The following KIAA1671 variants were observed in gnomAD, a reference collection of about 807,000 sequenced individuals.
The protein encoded by KIAA1671 is uncharacterized protein KIAA1671.
In KIAA1671, 52 loss-of-function variants were observed where a neutral mutation model predicts 131.2. That is an observed-to-expected ratio of 0.40 (90% CI 0.32 to 0.50). KIAA1671 has a LOEUF of 0.50. KIAA1671 is among the 20% of genes least tolerant of loss of function. KIAA1671 has a pLI of 0.73. For synonymous variants in KIAA1671, 1,003 were observed against 961.6 expected, an observed-to-expected ratio of 1.04 and a Z score of -0.80; for missense variants, 2,360 against 2,364.2, an observed-to-expected ratio of 1.00 and a Z score of 0.04.
At chr22:25,006,742 A>G (rs1946147464) in intron 1 of KIAA1671, among the ~76,000 whole-genome samples, 1 of 152,108 alleles carries the variant, frequency 6.6e-6, no homozygotes, top group African/African-American at 2.4e-5. Flanking sequence ...TCTGTTTTCT[A>G]GAGGCTGCTT....
Position 25,170,951 on chromosome 22 carries a change from C to T in KIAA1671, c.4649+13C>T, listed in dbSNP as rs745688514. The T allele has an allele frequency of 4.7e-5, 73 of 1,549,010 alleles. No individual in the cohort carries two copies. The highest frequency in any genetic ancestry group is 2.0e-4 in the Admixed American group (10 of 50,938). On this transcript the variant is annotated intron_variant, in intron 7 of 12. Coordinates refer to ENST00000358431, the MANE Select transcript of KIAA1671 (RefSeq NM_001145206.2). ...AGAGTGGGGAGAGGTAGGACGCGTG[C>T]GACGGGATTCTGGCTGCAAAGGGGG... is the stretch of plus-strand genomic sequence containing the variant.
chr22:24,965,208 A>G (rs1922233298), intron 1 of KIAA1671, among the ~76,000 whole-genome samples: 1 of 151,978 alleles, frequency 6.6e-6, no homozygotes. Context: ...TGAGGTCAGG[A>G]ATTCGAGACC....
chr22:25,013,378 G>A (rs1925141899), intron 1 of KIAA1671: 1 of 152,144 alleles, frequency 6.6e-6, no homozygotes, highest in Non-Finnish European at 1.5e-5. Flanking sequence ...GTTTTTTGGG[G>A]GGTGTTTGGG....
chr22:25,103,207 A>G (rs971510072), intron 6 of KIAA1671, among the ~76,000 whole-genome samples: 90 of 119,700 alleles, frequency 7.5e-4, no homozygotes, highest in African/African-American at 2.4e-3. Context: ...TCCCCCCCCA[A>G]CCGCCTTTTT....
Position 25,135,817 on chromosome 22 carries a change from C to T in KIAA1671, c.4531-35003C>T, listed in dbSNP as rs73403534. ...GCAAAGTCAGACAGCAGCCACGTCA[C>T]GACAGCATCACCACAGTACTGATGG... is the stretch of plus-strand genomic sequence containing the variant. On this transcript the variant is annotated intron_variant, in intron 6 of 12. Coordinates refer to ENST00000358431, the MANE Select transcript of KIAA1671 (RefSeq NM_001145206.2). 1.3e-3 allele frequency among the ~76,000 whole-genome samples: 204 copies of T among 152,346 alleles called. 1 individual carries two copies. Among genetic ancestry groups the T allele is most frequent in the African/African-American group, 4.8e-3 (198 of 41,586 alleles).
intron 4 of KIAA1671, among the ~76,000 whole-genome samples, chr22:25,036,979 C>T (rs1926637496): frequency 6.6e-6 from 1 of 151,930 alleles, no homozygotes; most frequent in Admixed American, 6.6e-5. Context: ...GTTTGGATTC[C>T]TTTACAATCA....
chr22:24,995,292 TC>T (rs1222505606), intron 1 of KIAA1671, among the ~76,000 whole-genome samples: 1 of 151,360 alleles, frequency 6.6e-6, no homozygotes, highest in Non-Finnish European at 1.5e-5. Context: ...GACCTCGTGA[TC>T]TGCCCACCTT....
rs2145803826 is a variant in KIAA1671, at chr22:25,038,756, C to T, written c.1630-4C>T. ...TGTTTCTTTTTCTTTTTGTTTCTTT[C>T]CAGCAAAAGGAGGGGCACAGTTTGG... On this transcript the variant is annotated splice_polypyrimidine_tract_variant and splice_region_variant and intron_variant, in intron 4 of 12. Transcript: ENST00000358431. 6.6e-7 allele frequency: 1 copy of T among 1,517,854 alleles called. No individual in the cohort carries two copies. Among genetic ancestry groups the T allele is most frequent in the Admixed American group, 2.2e-5 (1 of 46,420 alleles). The allele number at this position is 1,517,854 out of a possible 1,614,324, so 94.0% of individuals were successfully genotyped here. A position where few individuals can be genotyped will look rare whatever the true frequency, so the allele number is the denominator to read the frequency against.
At chr22:24,956,164 G>A (rs984560877) in intron 1 of KIAA1671, among the ~76,000 whole-genome samples, 9 of 152,376 alleles carry the variant, frequency 5.9e-5, no homozygotes, top group African/African-American at 2.2e-4. Flanking sequence ...TACATTTAGA[G>A]AGCCACTCAC....
intron 1 of KIAA1671, among the ~76,000 whole-genome samples, chr22:24,979,314 G>A (rs1360307005): frequency 6.9e-6 from 1 of 144,068 alleles, no homozygotes; most frequent in Non-Finnish European, 1.5e-5. Flanking sequence ...CCATGCCCGG[G>A]CAACCATCTT....
chr22:25,121,176 T>C lies in KIAA1671; in HGVS notation c.4531-49644T>C, dbSNP rs149252283. 3.3e-3 allele frequency among the ~76,000 whole-genome samples: 495 copies of C among 152,260 alleles called. 2 individuals carry two copies. Among genetic ancestry groups the C allele is most frequent in the African/African-American group, 0.011 (476 of 41,560 alleles). On this transcript the variant is annotated intron_variant, in intron 6 of 12. Coordinates refer to ENST00000358431, the MANE Select transcript of KIAA1671 (RefSeq NM_001145206.2). Reference sequence around the variant, plus strand: ...CGGATTTCATGAAGAATGGAGTCTTTAGTTGGCCGGGCGCGGTGGCTCACG... The same window carrying C: ...CGGATTTCATGAAGAATGGAGTCTTCAGTTGGCCGGGCGCGGTGGCTCACG...
chr22:25,136,071 C>T (rs1190843886), intron 6 of KIAA1671, among the ~76,000 whole-genome samples: 4 of 152,218 alleles, frequency 2.6e-5, no homozygotes, highest in Non-Finnish European at 5.9e-5. Flanking sequence ...ACCAGGAGCA[C>T]AGCCTATCCC....
chr22:25,176,077 G>T (rs1934016019), intron 8 of KIAA1671: 1 of 152,322 alleles, frequency 6.6e-6, no homozygotes, highest in East Asian at 1.9e-4. Flanking sequence ...CCCTCTGTCA[G>T]TGTGATTCTG....
chr22:25,109,515 C>G (rs1931223930), intron 6 of KIAA1671, among the ~76,000 whole-genome samples: 1 of 152,190 alleles, frequency 6.6e-6, no homozygotes. Context: ...GGGACCACAC[C>G]AGGTTATGAA....
At position 25,090,247 on chromosome 22, in the gene KIAA1671, C is replaced by T. The variant is rs1347150496; in HGVS notation, c.4530+40883C>T. Among the ~76,000 whole-genome samples, 9 of 152,208 alleles carry T rather than the reference C, an allele frequency of 5.9e-5. No homozygotes were observed. The East Asian group carries it at 9.6e-4, about 16-fold the overall frequency. ...TCTACTGCTATGCCGGTCGAGAGAC[C>T]GTAATTTCTTTCGTCAGTCCCTGAA... On this transcript the variant is annotated intron_variant, in intron 6 of 12. Transcript: ENST00000358431.
chr22:25,178,412 G>C (rs1934118824), intron 9 of KIAA1671, among the ~76,000 whole-genome samples: 1 of 152,342 alleles, frequency 6.6e-6, no homozygotes, highest in Non-Finnish European at 1.5e-5. Context: ...AGGAGGACTT[G>C]TGGCTGCCAC....
chr22:25,174,430 G>A lies in KIAA1671; in HGVS notation c.4840G>A (p.Gly1614Arg). 1.3e-6 allele frequency: 2 copies of A among 1,548,604 alleles called. No individual in the cohort carries two copies. Among genetic ancestry groups the A allele is most frequent in the Non-Finnish European group, 1.7e-6 (2 of 1,144,446 alleles). ...CCTGGAATCCACCGATGGGATGGAG[G>A]GGCCGCCTCCACCGGACGCCTGCCC... ...TDLESTDGME[G>R]PPPPDACPEK... The change falls in exon 8 of 13, where the codon GGG (glycine) becomes AGG (arginine). Residue 1614 changes from glycine to arginine, a missense_variant. Physicochemically the swap from Gly to Arg is moderately radical, Grantham distance 125 (BLOSUM62 -2). This residue lies in a region of KIAA1671 where 1,161 missense variants were observed against 1,204.7 expected (regional missense o/e 0.96). Transcript: ENST00000358431.
At chr22:25,104,215 G>A (rs1054374328) in intron 6 of KIAA1671, among the ~76,000 whole-genome samples, 4 of 152,028 alleles carry the variant, frequency 2.6e-5, no homozygotes, top group African/African-American at 4.8e-5. Context: ...CTGACCTCAG[G>A]TGATCCACCC....
At chr22:25,139,378 T>TA (rs1263001890) in intron 6 of KIAA1671, among the ~76,000 whole-genome samples, 1 of 152,212 alleles carries the variant, frequency 6.6e-6, no homozygotes, top group African/African-American at 2.4e-5. Flanking sequence ...AGGGAGGCTG[T>TA]ATGGTACAAA....
Sources: allele counts gnomAD v4.1 joint callset (sites outside exome capture counted in the v4.1 genomes callset), GRCh38; gene constraint gnomAD v4.1.1; regional missense constraint gnomAD v4.1.1; transcripts MANE v1.5; gene names NCBI Gene and HGNC (gene_info 2026-07-23, HGNC 2026-07-21).